The following SFI1 variants were observed in gnomAD, a reference collection of about 807,000 sequenced individuals.
SFI1 encodes the protein SFI1 centrin binding protein.
A neutral mutation model predicts 207.5 loss-of-function variants in SFI1; 195 were observed. The ratio of observed to expected loss-of-function variants is 0.94; its 90% CI spans 0.84 to 1.06. SFI1 has a LOEUF of 1.06. Ranked by LOEUF, SFI1 falls within the 50% of genes least tolerant of loss-of-function variation. The pLI is 0.00. For missense variants in SFI1, 1,634 were observed against 1,588.0 expected, an observed-to-expected ratio of 1.03 and a Z score of -0.49; for synonymous variants, 630 against 598.9, an observed-to-expected ratio of 1.05 and a Z score of -0.76.
At chr22:31,558,094 C>G (rs1197821917) in intron 7 of SFI1, among the ~76,000 whole-genome samples, 2 of 152,194 alleles carry the variant, frequency 1.3e-5, no homozygotes, top group Admixed American at 6.6e-5. Context: ...GTCATTTCAT[C>G]TCTTCAGCTC....
chr22:31,613,261 C>T (rs369965952), intron 25 of SFI1, 45 bp downstream of exon 25: 2 of 1,612,398 alleles, frequency 1.2e-6, no homozygotes, highest in Admixed American at 3.3e-5. Flanking sequence ...CTCCCTCAGG[C>T]CTTAGCCCTG....
intron 2 of SFI1, among the ~76,000 whole-genome samples, chr22:31,521,886 C>T (rs2057313026): frequency 6.6e-6 from 1 of 151,754 alleles, no homozygotes; most frequent in South Asian, 2.1e-4. Context: ...GCTTCAGCCT[C>T]CCAAGTAGCT....
rs1413157794 is a variant in SFI1, at chr22:31,606,434, A to G, written c.2157+4A>G. ...CAGAAGGACCATATGTTCCAAGGTG[A>G]GGTATAAGGAGGCAAGCTGGTCACC... On this transcript the variant is annotated splice_donor_region_variant and intron_variant, in intron 21 of 32. Coordinates refer to ENST00000400288, the MANE Select transcript of SFI1 (RefSeq NM_001007467.3). 6.2e-7 allele frequency: 1 copy of G among 1,612,182 alleles called. No individual in the cohort carries two copies. Among genetic ancestry groups the G allele is most frequent in the Non-Finnish European group, 8.5e-7 (1 of 1,178,956 alleles).
At chr22:31,563,088 G>C (rs1480757163) in intron 8 of SFI1, among the ~76,000 whole-genome samples, 1 of 151,660 alleles carries the variant, frequency 6.6e-6, no homozygotes, top group Non-Finnish European at 1.5e-5. Context: ...CTGCCTCCCA[G>C]GTTCAAGCAA....
chr22:31,510,796 A>G (rs1377917430), intron 2 of SFI1, among the ~76,000 whole-genome samples: 3 of 152,068 alleles, frequency 2.0e-5, no homozygotes, highest in Admixed American at 2.0e-4. Flanking sequence ...CATTTCATTT[A>G]TGTTGTCTAA....
At chr22:31,542,246 T>A (rs190700194) in intron 4 of SFI1, among the ~76,000 whole-genome samples, 1,751 of 152,044 alleles carry the variant, frequency 0.012, 10 homozygotes, top group Middle Eastern at 0.031. Flanking sequence ...TAATCATTTA[T>A]GTATGCATAC....
chr22:31,568,210 G>GTA (rs1158605358), intron 8 of SFI1, among the ~76,000 whole-genome samples: 246 of 114,592 alleles, frequency 2.1e-3, no homozygotes, highest in South Asian at 0.015. Context: ...GTGTGTGTGT[G>GTA]TATATATATA....
At chr22:31,547,397 G>A (rs1449572360) in intron 5 of SFI1, among the ~76,000 whole-genome samples, 1 of 152,108 alleles carries the variant, frequency 6.6e-6, no homozygotes, top group Non-Finnish European at 1.5e-5. Context: ...TGCAACTTCC[G>A]TCTCCTAGGT....
chr22:31,580,163 C>T (rs149693590), intron 11 of SFI1, 109 bp from the exon 12 acceptor site: 2 of 755,878 alleles, frequency 2.6e-6, no homozygotes, highest in East Asian at 5.5e-5. Context: ...GAAGCTGTGA[C>T]CAAGCTTCTC....
intron 15 of SFI1, among the ~76,000 whole-genome samples, chr22:31,589,817 A>T (rs2065595391): frequency 6.6e-6 from 1 of 151,612 alleles, no homozygotes; most frequent in African/African-American, 2.4e-5. Context: ...GTATATATGT[A>T]TTTATTAAAA....
upstream of SFI1, chr22:31,496,225 G>C (rs963284040): frequency 6.6e-6 from 1 of 151,510 alleles, no homozygotes; most frequent in Non-Finnish European, 1.5e-5. Flanking sequence ...GGCGTAACTC[G>C]GGGTTCCGCC....
intron 15 of SFI1, among the ~76,000 whole-genome samples, chr22:31,593,987 C>CGAGGGA (rs553687009): frequency 0.27 from 14,172 of 53,016 alleles, 1,301 homozygotes; most frequent in East Asian, 0.59. Context: ...GAGACGGAGA[C>CGAGGGA]GAGGGAGAGG....
intron 9 of SFI1, among the ~76,000 whole-genome samples, chr22:31,573,469 C>T (rs1001492838): frequency 6.1e-5 from 9 of 147,608 alleles, no homozygotes; most frequent in Admixed American, 2.7e-4. Context: ...TGGAGTTTCG[C>T]TCTTGTCACC....
intron 12 of SFI1, among the ~76,000 whole-genome samples, chr22:31,583,545 T>G (rs1044531269): frequency 5.3e-5 from 8 of 152,240 alleles, no homozygotes; most frequent in African/African-American, 1.9e-4. Context: ...AGTTAAACAT[T>G]TATGCGAGAC....
intron 1 of SFI1, among the ~76,000 whole-genome samples, chr22:31,507,325 C>A (rs533232901): frequency 3.9e-5 from 6 of 152,048 alleles, no homozygotes; most frequent in African/African-American, 1.4e-4. Context: ...AAGCTGGACC[C>A]CTTCTTTACA....
intron 4 of SFI1, among the ~76,000 whole-genome samples, chr22:31,531,595 A>G (rs1286543357): frequency 6.6e-6 from 1 of 152,106 alleles, no homozygotes; most frequent in Non-Finnish European, 1.5e-5. Context: ...CCCCGTCTCT[A>G]CAAAAATTAG....
At chr22:31,618,263 C>T (rs754776445) in intron 32 of SFI1, 37 bp downstream of exon 32, 86 of 1,599,364 alleles carry the variant, frequency 5.4e-5, no homozygotes, top group Non-Finnish European at 6.3e-5. Context: ...TCCCTGGGGA[C>T]GCCCCGGGCT....
At chr22:31,582,202 CATTTTA>C (rs1473088883) in intron 12 of SFI1, among the ~76,000 whole-genome samples, 460 of 42,352 alleles carry the variant, frequency 0.011, 44 homozygotes, top group African/African-American at 0.022. Context: ...TTCTTTATTA[CATTTTA>C]TATATATATA....
chr22:31,582,204 T>TATATATATATATATA lies in SFI1; in HGVS notation c.1249-1671_1249-1670insATATATATATATATA, dbSNP rs772735368. Among the ~76,000 whole-genome samples, 80 of 15,972 alleles carry TATATATATATATATA rather than the reference T, an allele frequency of 5.0e-3. 16 individuals are homozygous for TATATATATATATATA. The highest frequency in any genetic ancestry group is 7.1e-3 in the Non-Finnish European group (67 of 9,500). 10.5% of individuals were successfully genotyped at this position (15,972 alleles called of 152,430 possible). ...CCCCCAACAACACTTCTTTATTACA[T>TATATATATATATATA]TTTATATATATATATATATATATAT... On this transcript the variant is annotated intron_variant, in intron 12 of 32. Coordinates refer to ENST00000400288, the MANE Select transcript of SFI1 (RefSeq NM_001007467.3).
Sources: allele counts gnomAD v4.1 joint callset (sites outside exome capture counted in the v4.1 genomes callset), GRCh38; gene constraint gnomAD v4.1.1; transcripts MANE v1.5; gene names NCBI Gene and HGNC (gene_info 2026-07-23, HGNC 2026-07-21).